PARD3B: variants seen among roughly 807,000 people sequenced by gnomAD.
The protein encoded by PARD3B is partitioning defective 3 homolog B.
In PARD3B, 103 loss-of-function variants were observed where a neutral mutation model predicts 130.2. The ratio of observed to expected loss-of-function variants is 0.79; its 90% CI spans 0.67 to 0.93. The LOEUF is 0.93. Ranked by LOEUF, PARD3B falls within the 40% of genes least tolerant of loss-of-function variation. The pLI is 0.00. For synonymous variants in PARD3B, 583 were observed against 553.2 expected, an observed-to-expected ratio of 1.05 and a Z score of -0.76; for missense variants, 1,609 against 1,499.2, an observed-to-expected ratio of 1.07 and a Z score of -1.21.
At chr2:205,526,481 C>T (rs1249818021) in intron 21 of PARD3B, among the ~76,000 whole-genome samples, 3 of 152,162 alleles carry the variant, frequency 2.0e-5, no homozygotes, top group African/African-American at 7.2e-5. Flanking sequence ...AGAAAGTCTG[C>T]AGCAGCTCTG....
intron 15 of PARD3B, among the ~76,000 whole-genome samples, chr2:205,205,699 A>T (rs892375114): frequency 6.6e-6 from 1 of 152,182 alleles, no homozygotes; most frequent in Non-Finnish European, 1.5e-5. Context: ...ATCTGTTGAG[A>T]TAATCATGTG....
intron 21 of PARD3B, among the ~76,000 whole-genome samples, chr2:205,502,701 A>T (rs1326488049): frequency 6.6e-6 from 1 of 152,210 alleles, no homozygotes; most frequent in African/African-American, 2.4e-5. Context: ...ACCCATTTCA[A>T]AATAGGCTAG....
intron 22 of PARD3B, among the ~76,000 whole-genome samples, chr2:205,587,740 G>A (rs927901367): frequency 6.6e-6 from 1 of 152,144 alleles, no homozygotes; most frequent in African/African-American, 2.4e-5. Context: ...GACAAACGGT[G>A]AGAAAATAAA....
Position 205,457,529 on chromosome 2 carries a change from C to T in PARD3B, c.3044+16857C>T, listed in dbSNP as rs188050193. Among the ~76,000 whole-genome samples the T allele has an allele frequency of 2.6e-3, 389 of 151,898 alleles. 1 individual carries two copies. The highest frequency in any genetic ancestry group is 8.7e-3 in the African/African-American group (360 of 41,502). On this transcript the variant is annotated intron_variant, in intron 20 of 22. Transcript: ENST00000406610. ...TTAACTGTTGCTTTTTCTCTTTGTT[C>T]CTTTCTGAATATCTGTGTTTCCCAG... is the stretch of plus-strand genomic sequence containing the variant.
rs969728242 is a variant in PARD3B at position 205,281,412 on chromosome 2, A to G, written c.2186-19118A>G. Among the ~76,000 whole-genome samples the G allele has an allele frequency of 4.6e-5, 7 of 152,194 alleles. 1 individual carries two copies. The highest frequency in any genetic ancestry group is 1.7e-4 in the African/African-American group (7 of 41,462). On this transcript the variant is annotated intron_variant, in intron 16 of 22. Coordinates refer to ENST00000406610, the MANE Select transcript of PARD3B (RefSeq NM_001302769.2). The surrounding 1 kb of genome is among the most constrained non-coding windows in gnomAD (Gnocchi z 4.2). ...CTGCCTAAGTCATTTTCTGGTCTTC[A>G]TATTGCACACAAAAGTTCTCTGAAA...
chr2:204,723,656 A>G (rs1286722053), intron 2 of PARD3B, among the ~76,000 whole-genome samples: 1 of 152,124 alleles, frequency 6.6e-6, no homozygotes, highest in East Asian at 1.9e-4. Flanking sequence ...TGCAAATAGG[A>G]TAGGAAATCA....
chr2:205,513,074 G>A (rs1355850366), intron 21 of PARD3B, among the ~76,000 whole-genome samples: 4 of 150,444 alleles, frequency 2.7e-5, no homozygotes, highest in East Asian at 3.9e-4. Flanking sequence ...ATTGCCAGGC[G>A]TGCTTCAGCA....
chr2:204,678,206 G>C lies in PARD3B; in HGVS notation c.121-7975G>C, dbSNP rs1370341229. On this transcript the variant is annotated intron_variant, in intron 1 of 22. Coordinates refer to ENST00000406610, the MANE Select transcript of PARD3B (RefSeq NM_001302769.2). This position sits in a 1 kb window ranked among gnomAD's most constrained non-coding sequence, Gnocchi z 4.2. Reference sequence around the variant, plus strand: ...ACGCAGGTGAGCAGGTGCAGGACCTGGGGCAAGTGCCTTTAGGTGCTGGCA... The same window carrying C: ...ACGCAGGTGAGCAGGTGCAGGACCTCGGGCAAGTGCCTTTAGGTGCTGGCA... 1.3e-5 allele frequency among the ~76,000 whole-genome samples: 2 copies of C among 152,152 alleles called. No homozygotes were observed. The highest frequency in any genetic ancestry group is 4.8e-5 in the African/African-American group (2 of 41,442).
At chr2:204,564,623 A>G (rs2031556877) in intron 1 of PARD3B, among the ~76,000 whole-genome samples, 1 of 152,214 alleles carries the variant, frequency 6.6e-6, no homozygotes, top group African/African-American at 2.4e-5. Context: ...AAAAATAACT[A>G]CAAAACAAAA....
In PARD3B at chr2:204,914,096, A is replaced by G. The variant is rs745316188; in HGVS notation, c.223-51056A>G. Among the ~76,000 whole-genome samples, 7 of 152,158 alleles carry G rather than the reference A, an allele frequency of 4.6e-5. No homozygotes were observed. In the East Asian group the frequency reaches 7.7e-4, roughly 17 times the overall value. On this transcript the variant is annotated intron_variant, in intron 2 of 22. Coordinates refer to ENST00000406610, the MANE Select transcript of PARD3B (RefSeq NM_001302769.2). ...GCCTGCACGCTGGGAGGAGTGCACAATGGGGCGGAGCCTTGGGAAGTTCAC... is the reference window on the plus strand; with the variant it reads ...GCCTGCACGCTGGGAGGAGTGCACAGTGGGGCGGAGCCTTGGGAAGTTCAC...
At chr2:205,476,580 A>G (rs2049029964) in intron 20 of PARD3B, among the ~76,000 whole-genome samples, 1 of 152,110 alleles carries the variant, frequency 6.6e-6, no homozygotes, top group African/African-American at 2.4e-5. Flanking sequence ...TTCCTGTGCT[A>G]GATGATCTTA....
At chr2:205,557,559 C>CACTT (rs1219576846) in intron 22 of PARD3B, among the ~76,000 whole-genome samples, 1 of 152,220 alleles carries the variant, frequency 6.6e-6, no homozygotes, top group Non-Finnish European at 1.5e-5. Flanking sequence ...CCAGTTTCAT[C>CACTT]ACTTACCACC....
intron 2 of PARD3B, among the ~76,000 whole-genome samples, chr2:204,859,724 G>A (rs2045106689): frequency 6.6e-6 from 1 of 152,184 alleles, no homozygotes; most frequent in African/African-American, 2.4e-5. Flanking sequence ...AGGCTGGGCA[G>A]TGATGGAGAC....
chr2:205,386,588 T>C (rs1230402943), intron 18 of PARD3B, among the ~76,000 whole-genome samples: 1 of 151,948 alleles, frequency 6.6e-6, no homozygotes, highest in African/African-American at 2.4e-5. Flanking sequence ...TTTGTCATTA[T>C]GGCTAATTGC....
chr2:204,949,344 G>T (rs542464473), intron 2 of PARD3B, among the ~76,000 whole-genome samples: 2 of 151,338 alleles, frequency 1.3e-5, no homozygotes, highest in Admixed American at 6.6e-5. Flanking sequence ...TTGAGACAGG[G>T]TCTCTCTCTG....
At chr2:204,754,684 T>C (rs1394686124) in intron 2 of PARD3B, among the ~76,000 whole-genome samples, 2 of 152,184 alleles carry the variant, frequency 1.3e-5, no homozygotes, top group Non-Finnish European at 2.9e-5. Flanking sequence ...AAGATAATAA[T>C]GACTTAGGCA....
At chr2:204,684,846 A>C (rs1248423749) in intron 1 of PARD3B, among the ~76,000 whole-genome samples, 1 of 152,150 alleles carries the variant, frequency 6.6e-6, no homozygotes, top group African/African-American at 2.4e-5. Context: ...AACTCCTTTT[A>C]TTTTACTTGA....
intron 2 of PARD3B, among the ~76,000 whole-genome samples, chr2:204,921,504 G>GC (rs2047679490): frequency 6.7e-6 from 1 of 148,952 alleles, no homozygotes; most frequent in Non-Finnish European, 1.5e-5. Flanking sequence ...GTCTAGTTAA[G>GC]ATGTTTTGAC....
chr2:204,703,326 T>G (rs1302428343), intron 2 of PARD3B, among the ~76,000 whole-genome samples: 1 of 152,212 alleles, frequency 6.6e-6, no homozygotes, highest in African/African-American at 2.4e-5. Context: ...TTATGAGATG[T>G]TTGTCCCATG....
Sources: gnomAD v4.1 joint callset for allele counts (sites outside exome capture counted in the v4.1 genomes callset) on GRCh38, gnomAD v4.1.1 for gene constraint, Gnocchi (gnomAD v3.1) non-coding constraint, MANE v1.5 for transcripts, NCBI Gene and HGNC (gene_info 2026-07-23, HGNC 2026-07-21) for gene names.